GHR: variants seen among roughly 807,000 people sequenced by gnomAD.
The protein encoded by GHR is growth hormone receptor, also known as GH receptor.
Under a neutral mutation model 67.1 loss-of-function variants are expected in GHR, and 35 were observed. That is an observed-to-expected ratio of 0.52 (90% CI 0.40 to 0.69). The LOEUF is 0.69. Ranked by LOEUF, GHR falls within the 30% of genes least tolerant of loss-of-function variation. The pLI is 0.00. For missense variants in GHR, 792 were observed against 764.6 expected (o/e 1.04, Z -0.42); for synonymous variants, 272 against 269.1 (o/e 1.01, Z -0.10).
At chr5:42,702,148 A>C (rs1757962293) in intron 6 of GHR, among the ~76,000 whole-genome samples, 1 of 152,108 alleles carries the variant, frequency 6.6e-6, no homozygotes, top group South Asian at 2.1e-4. Flanking sequence ...TAGATTTCTT[A>C]AACTCATTCC....
intron 3 of GHR, among the ~76,000 whole-genome samples, chr5:42,643,985 A>G (rs1402447775): frequency 6.6e-6 from 1 of 152,162 alleles, no homozygotes; most frequent in East Asian, 1.9e-4. Flanking sequence ...TAGTTGGTGG[A>G]ATAAAGTTGT....
At chr5:42,516,844 T>C (rs1747259109) in intron 1 of GHR, among the ~76,000 whole-genome samples, 1 of 152,198 alleles carries the variant, frequency 6.6e-6, no homozygotes, top group Admixed American at 6.5e-5. Flanking sequence ...GGTTGATCTC[T>C]ACTGGCACTG....
chr5:42,487,974 G>A (rs1344758421), intron 1 of GHR, among the ~76,000 whole-genome samples: 1 of 152,156 alleles, frequency 6.6e-6, no homozygotes, highest in East Asian at 1.9e-4. Flanking sequence ...GAGGACAGCT[G>A]CTCATGTTTT....
At chr5:42,698,074 T>C (rs935287758) in intron 5 of GHR, among the ~76,000 whole-genome samples, 1 of 152,082 alleles carries the variant, frequency 6.6e-6, no homozygotes, top group African/African-American at 2.4e-5. Flanking sequence ...TTAACAGAGA[T>C]GGAAAAGAGG....
chr5:42,642,794 G>A (rs1192483863), intron 3 of GHR, among the ~76,000 whole-genome samples: 1 of 152,146 alleles, frequency 6.6e-6, no homozygotes, highest in Non-Finnish European at 1.5e-5. Context: ...ACCAGGATTG[G>A]TTCCTTCTGG....
intron 1 of GHR, among the ~76,000 whole-genome samples, chr5:42,452,791 C>T (rs562661022): frequency 1.3e-5 from 2 of 152,092 alleles, no homozygotes; most frequent in East Asian, 3.9e-4. Context: ...AAATTTCGTT[C>T]ATATTTTGTA....
intron 3 of GHR, among the ~76,000 whole-genome samples, chr5:42,670,741 C>T (rs1018631858): frequency 3.5e-4 from 53 of 151,512 alleles, no homozygotes; most frequent in Admixed American, 1.1e-3. Flanking sequence ...TGCTAGATGA[C>T]GAGTTAGTGG....
intron 2 of GHR, among the ~76,000 whole-genome samples, chr5:42,613,141 T>G (rs1752967883): frequency 6.6e-6 from 1 of 152,134 alleles, no homozygotes; most frequent in African/African-American, 2.4e-5. Flanking sequence ...ACTTAGCCAT[T>G]CTCCAGGGAC....
chr5:42,581,727 C>T (rs1396534945), intron 2 of GHR, among the ~76,000 whole-genome samples: 1 of 152,110 alleles, frequency 6.6e-6, no homozygotes, highest in Non-Finnish European at 1.5e-5. Context: ...GGAGGTGCGG[C>T]TGTGGTTGTG....
At chr5:42,707,610 C>T (rs571760719) in intron 6 of GHR, among the ~76,000 whole-genome samples, 121 of 151,844 alleles carry the variant, frequency 8.0e-4, no homozygotes, top group South Asian at 2.3e-3. Flanking sequence ...TTTCCATTTG[C>T]GTTATCTGTC....
At chr5:42,443,671 C>T (rs924660080) in intron 1 of GHR, among the ~76,000 whole-genome samples, 7 of 151,934 alleles carry the variant, frequency 4.6e-5, no homozygotes, top group Non-Finnish European at 1.0e-4. Context: ...ATTATGGAGA[C>T]TCGCAAGTTC....
intron 4 of GHR, among the ~76,000 whole-genome samples, chr5:42,691,910 A>G (rs1757439797): frequency 6.6e-6 from 1 of 152,222 alleles, no homozygotes; most frequent in Admixed American, 6.5e-5. Flanking sequence ...CATGGTAAAA[A>G]GAGGCTCTGG....
At chr5:42,665,597 G>A (rs969691643) in intron 3 of GHR, among the ~76,000 whole-genome samples, 1 of 152,008 alleles carries the variant, frequency 6.6e-6, no homozygotes, top group African/African-American at 2.4e-5. Context: ...GGACTGTTGT[G>A]GGGGTGGAGG....
At chr5:42,533,537 A>T (rs1182634810) in intron 1 of GHR, among the ~76,000 whole-genome samples, 1 of 151,882 alleles carries the variant, frequency 6.6e-6, no homozygotes, top group Non-Finnish European at 1.5e-5. Context: ...TTGCATAGTC[A>T]TATGCTCTAA....
chr5:42,424,501 G>C lies in GHR; in HGVS notation c.-12+546G>C. The C allele has an allele frequency of 2.6e-6, 3 of 1,149,420 alleles. No individual in the cohort carries two copies. In the South Asian group the frequency reaches 3.9e-5, roughly 15 times the overall value. 71.2% of individuals were successfully genotyped at this position (1,149,420 alleles called of 1,614,324 possible). A position where few individuals can be genotyped will look rare whatever the true frequency, so the allele number is the denominator to read the frequency against. On this transcript the variant is annotated intron_variant, in intron 1 of 9. Transcript: ENST00000230882. This position sits in a 1 kb window ranked among gnomAD's most constrained non-coding sequence, Gnocchi z 4.1. The stretch of plus-strand genomic sequence containing the variant: ...TGCGCGTGGACACAGCGCGCAGAGC[G>C]CGCGGTCTTTTGCGCGTTTGTGCGG...
chr5:42,647,370 C>G (rs1754790044), intron 3 of GHR, among the ~76,000 whole-genome samples: 1 of 151,980 alleles, frequency 6.6e-6, no homozygotes, highest in Admixed American at 6.5e-5. Flanking sequence ...ATCAGGAAAT[C>G]GAGACCATCC....
intron 1 of GHR, among the ~76,000 whole-genome samples, chr5:42,433,277 G>A: frequency 6.6e-6 from 1 of 151,718 alleles, no homozygotes; most frequent in South Asian, 2.1e-4. Context: ...ATTTTTCTCG[G>A]TGCATATAGG....
At chr5:42,669,348 A>G (rs1434981923) in intron 3 of GHR, among the ~76,000 whole-genome samples, 1 of 152,226 alleles carries the variant, frequency 6.6e-6, no homozygotes, top group Non-Finnish European at 1.5e-5. Context: ...GCAAAAGTAT[A>G]TTATCATCAA....
intron 1 of GHR, among the ~76,000 whole-genome samples, chr5:42,559,905 G>A (rs975512168): frequency 1.3e-5 from 2 of 152,108 alleles, no homozygotes; most frequent in Admixed American, 1.3e-4. Flanking sequence ...AGTTTTAAAT[G>A]CCCTTTTGGG....
Sources: gnomAD v4.1 joint callset for allele counts (sites outside exome capture counted in the v4.1 genomes callset) on GRCh38, gnomAD v4.1.1 for gene constraint, Gnocchi (gnomAD v3.1) non-coding constraint, MANE v1.5 for transcripts, NCBI Gene and HGNC (gene_info 2026-07-23, HGNC 2026-07-21) for gene names.